GALNS: variants seen among roughly 807,000 people sequenced by gnomAD.
The protein encoded by GALNS is galactosamine (N-acetyl)-6-sulfatase.
Under a neutral mutation model 65.9 loss-of-function variants are expected in GALNS, and 65 were observed. That is an observed-to-expected ratio of 0.99 (90% CI 0.81 to 1.21). The LOEUF (loss-of-function observed/expected upper bound fraction) is 1.21. Ranked by LOEUF, GALNS falls within the 50% of genes most tolerant of loss-of-function variation. GALNS has a pLI of 0.00. For missense variants in GALNS, 776 were observed against 700.7 expected, an observed-to-expected ratio of 1.11 and a Z score of -1.21; for synonymous variants, 346 against 288.9, an observed-to-expected ratio of 1.20 and a Z score of -2.00.
At chr16:88,816,559 C>A in intron 13 of GALNS, 1 of 972,896 alleles carries the variant, frequency 1.0e-6, no homozygotes, top group Non-Finnish European at 1.2e-6. Flanking sequence ...CCTGCCCTGC[C>A]CAGTCCTAAA....
rs1567533322 is a variant in GALNS, at chr16:88,837,741, G to A, written c.447C>T (p.Phe149=). Residue 149 remains phenylalanine, a synonymous_variant, in exon 5 of 14, where the codon TTC becomes TTT. Coordinates refer to ENST00000268695, the MANE Select transcript of GALNS (RefSeq NM_000512.5). ...GKWHLGHRPQ[F]HPLKHGFDEW... ...CATCAAATCCGTGCTTCAGGGGGTG[G>A]AACTGGGGCCTGTGACCCAGATGCC... is the stretch of plus-strand genomic sequence containing the variant. The A allele has an allele frequency of 1.2e-6, 2 of 1,613,980 alleles. No homozygotes were observed. Among genetic ancestry groups the A allele is most frequent in the Admixed American group, 3.3e-5 (2 of 60,022 alleles).
At chr16:88,817,820 C>T (rs1479175064) in intron 13 of GALNS, among the ~76,000 whole-genome samples, 187 bp downstream of exon 13, 6 of 152,194 alleles carry the variant, frequency 3.9e-5, no homozygotes, top group East Asian at 1.9e-4. Flanking sequence ...GTCCCCGAGT[C>T]GCTTGGCTCC....
At chr16:88,817,033 G>GA in intron 13 of GALNS, 6 of 985,420 alleles carry the variant, frequency 6.1e-6, no homozygotes, top group Non-Finnish European at 7.2e-6. Context: ...CGTTTTTGCC[G>GA]ACTAGAGCGA....
At chr16:88,815,845 G>A (rs995702816) in intron 13 of GALNS, 272 of 984,622 alleles carry the variant, frequency 2.8e-4, no homozygotes, top group Non-Finnish European at 3.2e-4. Flanking sequence ...GCCGCAGGGT[G>A]TGTTTGAGTC....
intron 12 of GALNS, among the ~76,000 whole-genome samples, chr16:88,818,884 C>T (rs912198600): frequency 1.3e-5 from 2 of 152,178 alleles, no homozygotes; most frequent in Non-Finnish European, 2.9e-5. Context: ...TTCTCAATGC[C>T]CAGGCTGGGA....
At chr16:88,815,812 A>C (rs1037770067) in intron 13 of GALNS, 25 of 985,214 alleles carry the variant, frequency 2.5e-5, no homozygotes, top group Non-Finnish European at 3.0e-5. Flanking sequence ...AGCTGCTCCC[A>C]AACTCCAGGG....
chr16:88,828,672 AG>A (rs1476339884), intron 9 of GALNS, among the ~76,000 whole-genome samples: 1 of 152,256 alleles, frequency 6.6e-6, no homozygotes, highest in Non-Finnish European at 1.5e-5. Flanking sequence ...GGAGCGAGGC[AG>A]ATGGCAAGGT....
At chr16:88,850,151 C>CG (rs1967437392) in intron 1 of GALNS, among the ~76,000 whole-genome samples, 1 of 152,218 alleles carries the variant, frequency 6.6e-6, no homozygotes, top group African/African-American at 2.4e-5. Context: ...GCAGGTGGGC[C>CG]GGGGGCACAA....
At position 88,821,639 on chromosome 16, in the gene GALNS, G is replaced by C. The variant is rs547290954; in HGVS notation, c.1364+950C>G. Among the ~76,000 whole-genome samples, 586 of 152,324 alleles carry C rather than the reference G, an allele frequency of 3.8e-3. 3 individuals carry two copies. The highest frequency in any genetic ancestry group is 6.6e-3 in the Non-Finnish European group (452 of 68,002). On this transcript the variant is annotated intron_variant, in intron 12 of 13. Transcript: ENST00000268695. ...CGTGGGAAGGCGGCTGCCCCGTCCA[G>C]AGGGTGCAGGAGCCTCAGGGCACCT...
intron 10 of GALNS, among the ~76,000 whole-genome samples, chr16:88,825,533 C>A (rs1910785469): frequency 1.5e-5 from 2 of 129,638 alleles, no homozygotes; most frequent in Non-Finnish European, 3.3e-5. Context: ...TTCTGGGCAG[C>A]CGGGGCTGGG....
intron 2 of GALNS, 84 bp from the exon 3 acceptor site, chr16:88,842,055 A>G (rs1315985236): frequency 8.2e-7 from 1 of 1,223,884 alleles, no homozygotes; most frequent in Non-Finnish European, 1.2e-6. Context: ...CAACGAGTAG[A>G]CAGACGCGTG....
intron 12 of GALNS, among the ~76,000 whole-genome samples, chr16:88,822,294 C>T (rs1045536593): frequency 1.3e-5 from 2 of 152,196 alleles, no homozygotes; most frequent in African/African-American, 2.4e-5. Flanking sequence ...CTGGACCCCT[C>T]CCCTCTGGCC....
rs1178721205 is a variant in GALNS at position 88,842,843 on chromosome 16, C to T, written c.121-14G>A. 6.8e-6 allele frequency: 11 copies of T among 1,612,598 alleles called. No individual in the cohort carries two copies. The highest frequency in any genetic ancestry group is 9.3e-6 in the Non-Finnish European group (11 of 1,179,688). ...ACCCCATCCCATCTGCAGGGAAGAG[C>T]ACGGGGAGGAGGAATGAGCGCCTTC... On this transcript the variant is annotated splice_polypyrimidine_tract_variant and intron_variant, in intron 1 of 13. Coordinates refer to ENST00000268695, the MANE Select transcript of GALNS (RefSeq NM_000512.5).
intron 9 of GALNS, among the ~76,000 whole-genome samples, chr16:88,827,705 C>T (rs1158098595): frequency 6.6e-6 from 1 of 152,210 alleles, no homozygotes; most frequent in Admixed American, 6.5e-5. Context: ...CTCAGCCTCC[C>T]AAAGTGCTGG....
chr16:88,817,398 G>A, intron 13 of GALNS: 1 of 985,486 alleles, frequency 1.0e-6, no homozygotes, highest in Non-Finnish European at 1.2e-6. Context: ...CTGCACGGAG[G>A]TGCTGCTCTG....
At chr16:88,814,634 C>G in intron 13 of GALNS, 109 bp from the exon 14 acceptor site, 1 of 1,526,204 alleles carries the variant, frequency 6.6e-7, no homozygotes, top group Non-Finnish European at 8.8e-7. Flanking sequence ...CACTCTGTCA[C>G]CCAGGCTGGA....
chr16:88,833,180 C>G (rs1436624154), intron 8 of GALNS, among the ~76,000 whole-genome samples: 1 of 152,114 alleles, frequency 6.6e-6, no homozygotes, highest in African/African-American at 2.4e-5. Flanking sequence ...CGCTGCCATC[C>G]AACCCCGAGC....
intron 9 of GALNS, among the ~76,000 whole-genome samples, chr16:88,827,670 T>C (rs907859606): frequency 2.0e-5 from 3 of 152,162 alleles, no homozygotes; most frequent in African/African-American, 4.8e-5. Context: ...GGTCTCGAAC[T>C]CCCAACCTCA....
At chr16:88,856,676 C>A (rs1967922015) in intron 1 of GALNS, 82 bp downstream of exon 1, 1 of 490,408 alleles carries the variant, frequency 2.0e-6, no homozygotes, top group Non-Finnish European at 3.7e-6. Flanking sequence ...GCCCGCCCTT[C>A]CCCCACCTCG....
Sources: allele counts gnomAD v4.1 joint callset (sites outside exome capture counted in the v4.1 genomes callset), GRCh38; gene constraint gnomAD v4.1.1; transcripts MANE v1.5; gene names NCBI Gene and HGNC (gene_info 2026-07-23, HGNC 2026-07-21).